Variants in SSX3 observed in about 807,000 individuals in gnomAD.
The protein encoded by SSX3 is protein SSX3.
A neutral mutation model predicts 14.8 loss-of-function variants in SSX3; 6 were observed. The observed-to-expected ratio is 0.41, with a 90% confidence interval of 0.22 to 0.80. The LOEUF is 0.80. Among genes scored for constraint, SSX3 ranks in the 30% least tolerant of loss-of-function variants. The probability of loss-of-function intolerance (pLI) is 0.34; values close to 1 mark genes in which losing one functional copy is unlikely to be tolerated. For missense variants in SSX3, 163 were observed against 152.2 expected (o/e 1.07, Z -0.37); for synonymous variants, 55 against 52.9 (o/e 1.04, Z -0.18).
At position 48,354,146 on chromosome X, in the gene SSX3, C is replaced by T. The variant is rs59783839; in HGVS notation, c.185-52G>A. 1,504 of 1,066,343 alleles carry T rather than the reference C, an allele frequency of 1.4e-3. 11 individuals are homozygous for T. In the African/African-American group the frequency reaches 0.025, roughly 18 times the overall value. 87.9% of individuals were successfully genotyped at this position (1,066,343 alleles called of 1,213,427 possible). On this transcript the variant is annotated intron_variant, in intron 3 of 7. Transcript: ENST00000298396. Reference sequence around the variant, plus strand: ...TTAAGAGACAAGCTTGGGCCTGGTACGGTGGCTCATGTCTGTAGTACCAAC... The same window carrying T: ...TTAAGAGACAAGCTTGGGCCTGGTATGGTGGCTCATGTCTGTAGTACCAAC...
intron 6 of SSX3, chrX:48,349,786 A>C: frequency 7.1e-6 from 8 of 1,129,700 alleles, no homozygotes; most frequent in Non-Finnish European, 9.3e-6. Flanking sequence ...ACTTTCCTCA[A>C]GTCACGTGGT....
chrX:48,350,935 T>A (rs2061260080), intron 5 of SSX3, among the ~76,000 whole-genome samples: 1 of 109,289 alleles, frequency 9.2e-6, no homozygotes. Context: ...CACGCCCCAC[T>A]AAGTTTTGTA....
chrX:48,348,074 G>GT (rs1401115054), intron 6 of SSX3, among the ~76,000 whole-genome samples: 1 of 111,625 alleles, frequency 9.0e-6, no homozygotes, highest in East Asian at 2.8e-4. Flanking sequence ...TGTTTTTGTT[G>GT]TTTTTTAGTG....
chrX:48,354,930 T>C, intron 2 of SSX3, 184 bp from the exon 3 acceptor site: 1 of 754,103 alleles, frequency 1.3e-6, no homozygotes, highest in Non-Finnish European at 1.6e-6. Context: ...TGTCGGGCTT[T>C]AATGCTGCTG....
At chrX:48,356,567 T>C (rs782321501) in intron 1 of SSX3, 67 bp downstream of exon 1, 1 of 110,680 alleles carries the variant, frequency 9.0e-6, no homozygotes, top group East Asian at 2.8e-4. Context: ...TAAAACTAGA[T>C]AGCAAATGCA....
chrX:48,347,948 T>A (rs782344430), intron 6 of SSX3, among the ~76,000 whole-genome samples: 2 of 112,852 alleles, frequency 1.8e-5, no homozygotes, highest in East Asian at 5.5e-4. Context: ...TCATACTGCT[T>A]CGCAGATGCT....
Position 48,346,609 on chromosome X carries a change from G to A in SSX3, c.*431C>T, listed in dbSNP as rs2061240549. On this transcript the variant is annotated 3_prime_UTR_variant, in exon 8 of 8. Transcript: ENST00000298396. The stretch of plus-strand genomic sequence containing the variant: ...TGTCTGTGTGTGTGTGTGTGTGTGT[G>A]TGGTGTGGTTTGTGTGTGTGTGTAA... 2 of 303,429 alleles carry A rather than the reference G, an allele frequency of 6.6e-6. No individual in the cohort carries two copies. Among genetic ancestry groups the A allele is most frequent in the East Asian group, 1.2e-4 (2 of 16,582 alleles). The allele number at this position is 303,429 out of a possible 1,213,427, so 25.0% of individuals were successfully genotyped here.
In SSX3 at chrX:48,349,879, C is replaced by T. The variant is rs1225285686; in HGVS notation, c.466+108G>A. 5.1e-6 allele frequency: 6 copies of T among 1,175,543 alleles called. No individual in the cohort carries two copies. In the East Asian group the frequency reaches 1.5e-4, roughly 29 times the overall value. ...ATCTGGAGCTGGGCAAGCTCCTCAG[C>T]CCAGCCTGGACCCAGGGTTATCTGG... On this transcript the variant is annotated intron_variant, in intron 6 of 7. Transcript: ENST00000298396.
At chrX:48,348,127 G>A (rs1556948906) in intron 6 of SSX3, 2 of 338,752 alleles carry the variant, frequency 5.9e-6, no homozygotes, top group African/African-American at 2.7e-5. Context: ...GTACACAGTA[G>A]GTGTATATTC....
At chrX:48,355,705 A>T (rs1456983123) in intron 1 of SSX3, among the ~76,000 whole-genome samples, 2 of 111,358 alleles carry the variant, frequency 1.8e-5, no homozygotes, top group African/African-American at 6.5e-5. Flanking sequence ...TTGGTGATGG[A>T]TCTGATCAGG....
In SSX3 at chrX:48,347,569, G is replaced by T; in HGVS notation, c.502C>A (p.Leu168Met). ...KRGEHAWTHR[L>M]RERKQLVIYE... ...ATCACCAGCTGCTTTCTCTCACGCAGTCTGTGGGTCCAGGCATGTTCCCCC... is the reference window on the plus strand; with the variant it reads ...ATCACCAGCTGCTTTCTCTCACGCATTCTGTGGGTCCAGGCATGTTCCCCC... Residue 168 changes from leucine to methionine, a missense_variant, in exon 7 of 8, where the codon CTG (leucine) becomes ATG (methionine). Leu to Met is a conservative substitution (Grantham distance 15). Coordinates refer to ENST00000298396, the MANE Select transcript of SSX3 (RefSeq NM_021014.4). 8 of 1,210,195 alleles carry T rather than the reference G, an allele frequency of 6.6e-6. No individual in the cohort carries two copies. Among genetic ancestry groups the T allele is most frequent in the Non-Finnish European group, 8.9e-6 (8 of 895,342 alleles).
intron 4 of SSX3, 107 bp from the exon 5 acceptor site, chrX:48,352,256 G>A (rs150067040): frequency 1.1e-5 from 10 of 916,532 alleles, no homozygotes; most frequent in African/African-American, 3.9e-5. Context: ...ATGAGTCCAC[G>A]CATTGTTGAG....
rs782501412 is a variant in SSX3, at chrX:48,355,259, A to T, written c.-10T>A. On this transcript the variant is annotated 5_prime_UTR_variant, in exon 2 of 8. Transcript: ENST00000298396. The stretch of plus-strand genomic sequence containing the variant: ...TGTCATCTCCGTTCATGGCACAGGG[A>T]GTAGTCTGACCTGCAAGAGAAACAG... 23 of 1,208,140 alleles carry T rather than the reference A, an allele frequency of 1.9e-5. No individual in the cohort carries two copies. The East Asian group carries it at 6.2e-4, about 33-fold the overall frequency.
intron 4 of SSX3, among the ~76,000 whole-genome samples, chrX:48,353,130 C>CT (rs782294230): frequency 0.01 from 1,031 of 98,443 alleles, 21 homozygotes; most frequent in African/African-American, 0.034. Flanking sequence ...CACTTTCTTT[C>CT]TTTTTTTTTT....
Position 48,346,514 on chromosome X carries a change from G to T in SSX3, c.*526C>A. The T allele has an allele frequency of 4.1e-6, 1 of 241,717 alleles. No homozygotes were observed. The allele number at this position is 241,717 out of a possible 1,213,427, so 19.9% of individuals were successfully genotyped here. A position where few individuals can be genotyped will look rare whatever the true frequency, so the allele number is the denominator to read the frequency against. ...ACATGCTGACCAGGAAACAGAGTGA[G>T]GGAAGCCTGACCAGGACGCATGGCA... On this transcript the variant is annotated 3_prime_UTR_variant, in exon 8 of 8. Coordinates refer to ENST00000298396, the MANE Select transcript of SSX3 (RefSeq NM_021014.4).
At chrX:48,351,412 G>T (rs1250478905) in intron 5 of SSX3, among the ~76,000 whole-genome samples, 1 of 111,854 alleles carries the variant, frequency 8.9e-6, no homozygotes, top group African/African-American at 3.3e-5. Flanking sequence ...CAATCAAAGC[G>T]ATTCCTAAGC....
At chrX:48,353,209 A>G (rs1230381516) in intron 4 of SSX3, among the ~76,000 whole-genome samples, 27 of 110,035 alleles carry the variant, frequency 2.5e-4, no homozygotes, top group Non-Finnish European at 4.4e-4. Context: ...ACAACATGTC[A>G]TTTAAAAAAG....
chrX:48,348,271 A>G (rs782350254), intron 6 of SSX3: 2 of 470,918 alleles, frequency 4.2e-6, no homozygotes, highest in African/African-American at 2.4e-5. Context: ...AGTTTTTTTA[A>G]GTACAATTAA....
At chrX:48,352,359 T>C (rs4606187) in intron 4 of SSX3, 63,044 of 437,888 alleles carry the variant, frequency 0.14, 4,029 homozygotes, top group East Asian at 0.38. Context: ...TCATGGTTTA[T>C]CACATGGGGA....
Sources: allele counts gnomAD v4.1 joint callset (sites outside exome capture counted in the v4.1 genomes callset), GRCh38; gene constraint gnomAD v4.1.1; transcripts MANE v1.5; gene names NCBI Gene and HGNC (gene_info 2026-07-23, HGNC 2026-07-21).